TAFA1: variants seen among roughly 807,000 people sequenced by gnomAD.
TAFA1 encodes the protein chemokine-like protein TAFA-1.
Under a neutral mutation model 18.5 loss-of-function variants are expected in TAFA1, and 4 were observed. The observed-to-expected ratio is 0.22, with a 90% CI of 0.11 to 0.49. The LOEUF (loss-of-function observed/expected upper bound fraction) is 0.49, where lower values mean the gene tolerates loss of function less well. Ranked by LOEUF, TAFA1 falls within the 20% of genes least tolerant of loss-of-function variation. The pLI, the probability that TAFA1 is intolerant of heterozygous loss-of-function variation, is 0.98. For missense variants in TAFA1, 147 were observed against 169.0 expected, an observed-to-expected ratio of 0.87 and a Z score of 0.72; for synonymous variants, 56 against 55.2, an observed-to-expected ratio of 1.01 and a Z score of -0.06.
chr3:68,197,728 A>G (rs764464567), intron 2 of TAFA1, among the ~76,000 whole-genome samples: 191 of 151,846 alleles, frequency 1.3e-3, no homozygotes, highest in Non-Finnish European at 2.0e-3. Context: ...AAAACTTAAC[A>G]AAAGTACCTT....
chr3:68,331,480 A>G (rs2068869385), intron 2 of TAFA1, among the ~76,000 whole-genome samples: 1 of 152,242 alleles, frequency 6.6e-6, no homozygotes, highest in Non-Finnish European at 1.5e-5. Flanking sequence ...TATTTAATAA[A>G]TGAATGAATG....
intron 2 of TAFA1, among the ~76,000 whole-genome samples, chr3:68,272,951 A>T (rs1283557195): frequency 6.6e-6 from 1 of 152,086 alleles, no homozygotes; most frequent in Non-Finnish European, 1.5e-5. Context: ...GAATGAACTG[A>T]GGGCCTGGCC....
intron 2 of TAFA1, among the ~76,000 whole-genome samples, chr3:68,031,861 T>C (rs976348815): frequency 2.6e-5 from 4 of 152,190 alleles, no homozygotes; most frequent in African/African-American, 7.2e-5. Context: ...AGATATTGCT[T>C]GAATCATATC....
intron 4 of TAFA1, among the ~76,000 whole-genome samples, chr3:68,539,689 G>GT (rs1559711696): frequency 5.5e-4 from 3 of 5,456 alleles, no homozygotes; most frequent in East Asian, 3.4e-3. Flanking sequence ...GGGGGGGCAT[G>GT]GGGTGGGTGG....
At chr3:68,251,746 G>C (rs1236455765) in intron 2 of TAFA1, among the ~76,000 whole-genome samples, 4 of 152,176 alleles carry the variant, frequency 2.6e-5, no homozygotes, top group Non-Finnish European at 5.9e-5. Context: ...AGTGAAATGT[G>C]CTGAGAGGGG....
intron 3 of TAFA1, among the ~76,000 whole-genome samples, chr3:68,432,374 C>A (rs757967008): frequency 1.1e-4 from 17 of 151,936 alleles, no homozygotes; most frequent in Admixed American, 2.0e-4. Context: ...AATGCGTAAT[C>A]CAATCTCCAT....
At chr3:68,479,245 T>A (rs866795048) in intron 3 of TAFA1, among the ~76,000 whole-genome samples, 1,811 of 82,890 alleles carry the variant, frequency 0.022, 52 homozygotes, top group African/African-American at 0.067. Context: ...AAAAAAAATA[T>A]ATATATATAT....
At chr3:68,003,158 G>C (rs1383504550), upstream of TAFA1, among the ~76,000 whole-genome samples, 5 of 152,178 alleles carry the variant, frequency 3.3e-5, no homozygotes, top group African/African-American at 4.8e-5. Context: ...ATGTTACAAA[G>C]AGCTATTATG....
At chr3:68,109,146 C>T (rs1481021773) in intron 2 of TAFA1, among the ~76,000 whole-genome samples, 1 of 151,734 alleles carries the variant, frequency 6.6e-6, no homozygotes, top group Non-Finnish European at 1.5e-5. Flanking sequence ...GTGACAGTCC[C>T]TTTGGATAGG....
At chr3:68,406,802 T>G (rs1458026090) in intron 2 of TAFA1, among the ~76,000 whole-genome samples, 2 of 152,200 alleles carry the variant, frequency 1.3e-5, no homozygotes, top group East Asian at 3.9e-4. Context: ...TGCATCCTTG[T>G]TGGGAGAGAG....
chr3:68,393,512 T>G (rs1017687468), intron 2 of TAFA1, among the ~76,000 whole-genome samples: 4 of 152,136 alleles, frequency 2.6e-5, no homozygotes, highest in African/African-American at 9.7e-5. Flanking sequence ...AGTTATTTTA[T>G]GAGGCAAGCA....
Position 68,099,513 on chromosome 3 carries a change from G to A in TAFA1, c.118+92769G>A, listed in dbSNP as rs149639954. On this transcript the variant is annotated intron_variant, in intron 2 of 4. Coordinates refer to ENST00000478136, the MANE Select transcript of TAFA1 (RefSeq NM_213609.4). ...AAAAAGTCAAAGACAACAGGTGCTG[G>A]TGAGTCTGTGGAGAACACTTATACA... Among the ~76,000 whole-genome samples, 11 of 152,142 alleles carry A rather than the reference G, an allele frequency of 7.2e-5. No individual in the cohort carries two copies. In the East Asian group the frequency reaches 2.1e-3, roughly 29 times the overall value.
At chr3:68,164,615 T>A (rs2065961396) in intron 2 of TAFA1, among the ~76,000 whole-genome samples, 1 of 144,724 alleles carries the variant, frequency 6.9e-6, no homozygotes, top group South Asian at 2.3e-4. Flanking sequence ...TCTACCACAT[T>A]TGTTCCTTTT....
chr3:68,295,481 G>A (rs978751759), intron 2 of TAFA1, among the ~76,000 whole-genome samples: 5 of 152,120 alleles, frequency 3.3e-5, no homozygotes, highest in South Asian at 4.1e-4. Context: ...TTAGTGCTGT[G>A]TGTCTGTGTG....
intron 2 of TAFA1, among the ~76,000 whole-genome samples, chr3:68,305,985 A>T (rs1278486283): frequency 6.6e-6 from 1 of 152,234 alleles, no homozygotes; most frequent in Non-Finnish European, 1.5e-5. Flanking sequence ...AAAATGTTTG[A>T]AAAACAGTGA....
At chr3:68,366,625 G>T (rs773777632) in intron 2 of TAFA1, among the ~76,000 whole-genome samples, 26 of 152,274 alleles carry the variant, frequency 1.7e-4, no homozygotes, top group Non-Finnish European at 3.7e-4. Context: ...ATGTGGCAGG[G>T]CTTCAAAACA....
At chr3:68,091,563 A>G (rs1319655253) in intron 2 of TAFA1, among the ~76,000 whole-genome samples, 1 of 152,158 alleles carries the variant, frequency 6.6e-6, no homozygotes, top group Middle Eastern at 3.2e-3. Flanking sequence ...ATCTGACTTT[A>G]TAGAGCTTAT....
intron 3 of TAFA1, among the ~76,000 whole-genome samples, chr3:68,444,771 AATATATAT>A (rs55684696): frequency 0.019 from 2,420 of 127,190 alleles, 52 homozygotes; most frequent in African/African-American, 0.038. Context: ...GTTTCTACAA[AATATATAT>A]ATATATATAT....
At position 68,329,216 on chromosome 3, in the gene TAFA1, C is replaced by CTTTTTTTT. The variant is rs10681423; in HGVS notation, c.119-88048_119-88041dup. The stretch of plus-strand genomic sequence containing the variant: ...GGTGTGCACAACCATGCCTGGCTGC[C>CTTTTTTTT]TTTTTTTTTTTTTTTTTTTTTTTGT... On this transcript the variant is annotated intron_variant, in intron 2 of 4. Transcript: ENST00000478136. Among the ~76,000 whole-genome samples the CTTTTTTTT allele has an allele frequency of 2.4e-3, 215 of 88,988 alleles. 5 individuals carry two copies. Among genetic ancestry groups the CTTTTTTTT allele is most frequent in the East Asian group, 3.5e-3 (8 of 2,300 alleles). The allele number at this position is 88,988 out of a possible 152,430, so 58.4% of individuals were successfully genotyped here.
Sources: gnomAD v4.1 joint callset for allele counts (sites outside exome capture counted in the v4.1 genomes callset) on GRCh38, gnomAD v4.1.1 for gene constraint, MANE v1.5 for transcripts, NCBI Gene and HGNC (gene_info 2026-07-23, HGNC 2026-07-21) for gene names.